The following EML5 variants were observed in gnomAD, a reference collection of about 807,000 sequenced individuals.
The protein encoded by EML5 is EMAP like 5.
In EML5, 120 loss-of-function variants were observed where a neutral mutation model predicts 250.0. The observed-to-expected ratio is 0.48, with a 90% CI of 0.41 to 0.56. EML5 has a LOEUF of 0.56. Among genes scored for constraint, EML5 ranks in the 20% least tolerant of loss-of-function variants. The pLI is 0.00. For synonymous variants in EML5, 771 were observed against 806.5 expected (o/e 0.96, Z 0.75); for missense variants, 2,006 against 2,437.6 (o/e 0.82, Z 3.73).
chr14:88,688,811 C>T (rs79433568), intron 17 of EML5, among the ~76,000 whole-genome samples: 1,565 of 152,230 alleles, frequency 0.01, 25 homozygotes, highest in African/African-American at 0.036. Flanking sequence ...CCTATATATC[C>T]GCTGACCTAC....
At chr14:88,788,815 T>C (rs901914703) in intron 1 of EML5, among the ~76,000 whole-genome samples, 1 of 151,482 alleles carries the variant, frequency 6.6e-6, no homozygotes, top group African/African-American at 2.4e-5. Flanking sequence ...CCCAACACTT[T>C]GGGAGGCGGA....
chr14:88,692,996 T>C (rs2092994430), intron 17 of EML5, among the ~76,000 whole-genome samples: 1 of 152,210 alleles, frequency 6.6e-6, no homozygotes, highest in South Asian at 2.1e-4. Context: ...TGATGGAATT[T>C]ATAAGTATAC....
At chr14:88,783,395 C>G (rs1364125655) in intron 1 of EML5, among the ~76,000 whole-genome samples, 1 of 152,160 alleles carries the variant, frequency 6.6e-6, no homozygotes, top group Non-Finnish European at 1.5e-5. Flanking sequence ...TCCAATGGAA[C>G]AGATCAATGG....
chr14:88,714,636 T>C (rs1051420660), intron 9 of EML5, among the ~76,000 whole-genome samples: 1 of 152,146 alleles, frequency 6.6e-6, no homozygotes, highest in African/African-American at 2.4e-5. Flanking sequence ...AATGTATCTA[T>C]CAAAACATTA....
chr14:88,616,935 T>C, intron 41 of EML5, 56 bp from the exon 42 acceptor site: 1 of 1,556,700 alleles, frequency 6.4e-7, no homozygotes. Context: ...AGGTTGACTA[T>C]ATTCAAAAAG....
chr14:88,791,378 TAA>T (rs1404873482), intron 1 of EML5, among the ~76,000 whole-genome samples: 1 of 152,244 alleles, frequency 6.6e-6, no homozygotes, highest in African/African-American at 2.4e-5. Flanking sequence ...CAATTGCTTT[TAA>T]TATATTTTCC....
chr14:88,685,154 A>G lies in EML5; in HGVS notation c.2855-12T>C. 1.3e-6 allele frequency: 2 copies of G among 1,593,396 alleles called. No homozygotes were observed. Among genetic ancestry groups the G allele is most frequent in the Non-Finnish European group, 1.7e-6 (2 of 1,170,800 alleles). ...TTCCAAGAGAAGACCTGAAATGTTA[A>G]ATGAAGATGTTCTTTTAGACATACA... is the stretch of plus-strand genomic sequence containing the variant. On this transcript the variant is annotated splice_polypyrimidine_tract_variant and intron_variant, in intron 19 of 43. Transcript: ENST00000554922.
intron 17 of EML5, among the ~76,000 whole-genome samples, chr14:88,689,325 A>G (rs2092906900): frequency 6.6e-6 from 1 of 152,226 alleles, no homozygotes; most frequent in East Asian, 1.9e-4. Flanking sequence ...CGAAGTTTAT[A>G]TACCAATGTA....
Position 88,705,566 on chromosome 14 carries a change from A to G in EML5, c.1848T>C (p.Ser616=). 6.3e-7 allele frequency: 1 copy of G among 1,596,200 alleles called. No homozygotes were observed. Among genetic ancestry groups the G allele is most frequent in the Non-Finnish European group, 8.5e-7 (1 of 1,170,218 alleles). ...APQESLADSH[S]DESDSDLSDV... is the part of the protein sequence containing the mutation. ...CAGACAGATCTGAATCTGATTCATC[A>G]CTATGAGAGTCAGCCAGACTTTCTG... The change falls in exon 12 of 44, where the codon AGT becomes AGC. Residue 616 remains serine, a synonymous_variant. Coordinates refer to ENST00000554922, the MANE Select transcript of EML5 (RefSeq NM_183387.3).
chr14:88,660,849 T>G (rs906211841), intron 25 of EML5, among the ~76,000 whole-genome samples: 3 of 152,002 alleles, frequency 2.0e-5, no homozygotes, highest in Non-Finnish European at 4.4e-5. Flanking sequence ...TGATTTAAAA[T>G]GCACATATAT....
At chr14:88,621,365 A>G (rs1428498827) in intron 37 of EML5, 64 bp from the exon 38 acceptor site, 1 of 1,592,024 alleles carries the variant, frequency 6.3e-7, no homozygotes, top group African/African-American at 1.3e-5. Flanking sequence ...TCTTCATAAT[A>G]TAAAAATGAC....
intron 21 of EML5, among the ~76,000 whole-genome samples, chr14:88,670,906 A>G (rs1414446592): frequency 6.6e-6 from 1 of 152,166 alleles, no homozygotes; most frequent in Non-Finnish European, 1.5e-5. Context: ...AAAACCTCTG[A>G]GAACTATGGG....
At chr14:88,773,996 G>A (rs1282173298) in intron 1 of EML5, among the ~76,000 whole-genome samples, 3 of 152,136 alleles carry the variant, frequency 2.0e-5, no homozygotes, top group African/African-American at 4.8e-5. Context: ...GCAGGTGCCT[G>A]TAGTCCCAGC....
Position 88,792,675 on chromosome 14 carries a change from A to G in EML5, c.-172T>C, listed in dbSNP as rs2094622871. 1 of 1,139,194 alleles carries G rather than the reference A, an allele frequency of 8.8e-7. No individual in the cohort carries two copies. The highest frequency in any genetic ancestry group is 1.1e-6 in the Non-Finnish European group (1 of 929,826). 70.6% of individuals were successfully genotyped at this position (1,139,194 alleles called of 1,614,324 possible). ...TCGGGGGCCGCCGCCGCCTCAGCCCACAGGCGGGAGGAAAACCCTCGCCTC... is the reference window on the plus strand; with the variant it reads ...TCGGGGGCCGCCGCCGCCTCAGCCCGCAGGCGGGAGGAAAACCCTCGCCTC... On this transcript the variant is annotated 5_prime_UTR_variant, in exon 1 of 44. Transcript: ENST00000554922. This position sits in a 1 kb window ranked among gnomAD's most constrained non-coding sequence, Gnocchi z 6.9.
Position 88,760,278 on chromosome 14 carries a change from G to A in EML5, c.198-5607C>T, listed in dbSNP as rs578224620. On this transcript the variant is annotated intron_variant, in intron 1 of 43. Transcript: ENST00000554922. Reference sequence around the variant, plus strand: ...ATATTTTCTAAAACTTTTATAGTTTGTCTTACATTTAAAGCTACAATCTAT... The same window carrying A: ...ATATTTTCTAAAACTTTTATAGTTTATCTTACATTTAAAGCTACAATCTAT... Among the ~76,000 whole-genome samples the A allele has an allele frequency of 6.6e-5, 10 of 152,044 alleles. No individual in the cohort carries two copies. The East Asian group carries it at 1.5e-3, about 23-fold the overall frequency.
chr14:88,652,703 T>C (rs746370942), intron 27 of EML5, among the ~76,000 whole-genome samples: 29 of 152,214 alleles, frequency 1.9e-4, no homozygotes, highest in African/African-American at 6.5e-4. Context: ...TCTTACTGTT[T>C]CTGGATCTTT....
intron 7 of EML5, among the ~76,000 whole-genome samples, chr14:88,732,220 T>C (rs2140153384): frequency 6.6e-6 from 1 of 152,368 alleles, no homozygotes; most frequent in South Asian, 2.1e-4. Flanking sequence ...AAGTCTTTAA[T>C]CCATCTTGAA....
chr14:88,724,856 T>C (rs1370204910), intron 8 of EML5, among the ~76,000 whole-genome samples: 1 of 152,158 alleles, frequency 6.6e-6, no homozygotes, highest in Non-Finnish European at 1.5e-5. Flanking sequence ...AGATGTTTAA[T>C]CTTAGATGAT....
chr14:88,616,010 A>G, intron 43 of EML5, 132 bp downstream of exon 43: 3 of 1,270,282 alleles, frequency 2.4e-6, no homozygotes, highest in Admixed American at 2.0e-5. Context: ...GATTCTGAAG[A>G]GCCATCTGGT....
Sources: gnomAD v4.1 joint callset for allele counts (sites outside exome capture counted in the v4.1 genomes callset) on GRCh38, gnomAD v4.1.1 for gene constraint, Gnocchi (gnomAD v3.1) non-coding constraint, MANE v1.5 for transcripts, NCBI Gene and HGNC (gene_info 2026-07-23, HGNC 2026-07-21) for gene names.